Variants in PLA2G4B observed in about 807,000 individuals in gnomAD.
The protein encoded by PLA2G4B is cytosolic phospholipase A2 beta.
In PLA2G4B, 122 loss-of-function variants were observed where a neutral mutation model predicts 95.8. The observed-to-expected ratio is 1.27, with a 90% confidence interval of 1.10 to 1.48. PLA2G4B has a LOEUF of 1.48. PLA2G4B is among the 40% of genes most tolerant of loss of function. The probability of loss-of-function intolerance (pLI) is 0.00; values close to 1 mark genes in which losing one functional copy is unlikely to be tolerated. For missense variants in PLA2G4B, 1,158 were observed against 996.2 expected, an observed-to-expected ratio of 1.16 and a Z score of -2.19; for synonymous variants, 518 against 421.5, an observed-to-expected ratio of 1.23 and a Z score of -2.80.
rs1335953770 is a variant in PLA2G4B, at chr15:41,846,662, C to T, written c.1781-7C>T. On this transcript the variant is annotated splice_polypyrimidine_tract_variant and splice_region_variant and intron_variant, in intron 17 of 19. Coordinates refer to ENST00000458483, the MANE Select transcript of PLA2G4B (RefSeq NM_001114633.2). ...TGTGACAATTGCTGCTCTCCCCAACCTTCCAGCTACCACTCTGGATGGGCT... is the reference window on the plus strand; with the variant it reads ...TGTGACAATTGCTGCTCTCCCCAACTTTCCAGCTACCACTCTGGATGGGCT... The T allele has an allele frequency of 6.2e-7, 1 of 1,601,088 alleles. No homozygotes were observed. Among genetic ancestry groups the T allele is most frequent in the Non-Finnish European group, 8.5e-7 (1 of 1,171,226 alleles).
rs759762872 is a variant in PLA2G4B, at chr15:41,841,478, G to T, written c.436-39G>T. On this transcript the variant is annotated intron_variant, in intron 6 of 19. Transcript: ENST00000458483. The stretch of plus-strand genomic sequence containing the variant: ...GCGAGGGTGGGGTCCCTGAATGGGG[G>T]GTGGGGTTAGTGTCTGAGGGGCTGT... 4 of 1,613,722 alleles carry T rather than the reference G, an allele frequency of 2.5e-6. No homozygotes were observed. The Admixed American group carries it at 6.7e-5, about 27-fold the overall frequency.
intron 6 of PLA2G4B, 44 bp downstream of exon 6, chr15:41,841,317 ACTCC>A: frequency 1.2e-6 from 2 of 1,611,040 alleles, no homozygotes; most frequent in Non-Finnish European, 1.7e-6. Flanking sequence ...GGTCCCCGGG[ACTCC>A]CTCATGCCAG....
Position 41,841,862 on chromosome 15 carries a change from G to T in PLA2G4B, c.534G>T (p.Glu178Asp). 3 of 1,613,466 alleles carry T rather than the reference G, an allele frequency of 1.9e-6. No individual in the cohort carries two copies. Among genetic ancestry groups the T allele is most frequent in the Non-Finnish European group, 2.5e-6 (3 of 1,179,874 alleles). Residue 178 changes from glutamate (E) to aspartate (D), a missense_variant, in exon 8 of 20, where the codon GAG becomes GAT. Coordinates refer to ENST00000458483, the MANE Select transcript of PLA2G4B (RefSeq NM_001114633.2). ...AGCTTGTGGTTCCTGGGTCCTGTGA[G>T]GGTCCGCAGGAGGCCTCTGTGGGCA... ...RVQLVVPGSCEGPQEASVGTG... is the reference protein window; with the variant it reads ...RVQLVVPGSCDGPQEASVGTG...
chr15:41,840,667 C>T lies in PLA2G4B; in HGVS notation c.219+7C>T, dbSNP rs1022611125. The T allele has an allele frequency of 6.2e-7, 1 of 1,611,864 alleles. No individual in the cohort carries two copies. The highest frequency in any genetic ancestry group is 8.5e-7 in the Non-Finnish European group (1 of 1,178,936). On this transcript the variant is annotated splice_region_variant and intron_variant, in intron 3 of 19. Transcript: ENST00000458483. ...GATCCACAGGCAGCTCAAGGTGGGC[C>T]AGGCATCAGCGCTGACTCTACCCAC...
chr15:41,847,669 G>A lies in PLA2G4B; in HGVS notation c.2155G>A (p.Glu719Lys), dbSNP rs752516047. 8.2e-5 allele frequency: 132 copies of A among 1,613,534 alleles called. No individual in the cohort carries two copies. Among genetic ancestry groups the A allele is most frequent in the Non-Finnish European group, 1.1e-4 (129 of 1,180,046 alleles). Residue 719 changes from glutamate to lysine, a missense_variant, in exon 20 of 20, where the codon GAG becomes AAG. Coordinates refer to ENST00000458483, the MANE Select transcript of PLA2G4B (RefSeq NM_001114633.2). ...CACAGGGGTCCGGCGGACACCCGAGGAGGCGGCAGCTGGGGAGGTGAACCT... is the reference window on the plus strand; with the variant it reads ...CACAGGGGTCCGGCGGACACCCGAGAAGGCGGCAGCTGGGGAGGTGAACCT... ...SAPGVRRTPE[E>K]AAAGEVNLSS... is the part of the protein sequence containing the mutation.
chr15:41,847,599 C>G, intron 19 of PLA2G4B, 50 bp from the exon 20 acceptor site: 1 of 1,612,288 alleles, frequency 6.2e-7, no homozygotes, highest in Non-Finnish European at 8.5e-7. Context: ...CTCTCCAAAC[C>G]TGTCTTCCCC....
At chr15:41,841,334 A>G in intron 6 of PLA2G4B, 61 bp downstream of exon 6, 1 of 1,611,082 alleles carries the variant, frequency 6.2e-7, no homozygotes, top group Admixed American at 1.7e-5. Context: ...CATGCCAGCG[A>G]CTTGAGGTAC....
In PLA2G4B at chr15:41,844,527, G is replaced by T; in HGVS notation, c.936G>T (p.Leu312=). ...GTGGGATCCGGGCAATGACTTCCCT[G>T]TATGGGCAGCTGGCTGGCCTGAAGG... ...TGGGIRAMTS[L]YGQLAGLKEL... is the part of the protein sequence containing the mutation. Residue 312 remains leucine (L), a synonymous_variant, in exon 12 of 20, where the codon CTG becomes CTT. Transcript: ENST00000458483. 6.2e-7 allele frequency: 1 copy of T among 1,614,148 alleles called. No individual in the cohort carries two copies. Among genetic ancestry groups the T allele is most frequent in the Non-Finnish European group, 8.5e-7 (1 of 1,180,018 alleles).
intron 8 of PLA2G4B, 57 bp downstream of exon 8, chr15:41,842,006 A>T: frequency 6.3e-7 from 1 of 1,577,574 alleles, no homozygotes; most frequent in Non-Finnish European, 8.6e-7. Context: ...CTCCCTCTGC[A>T]CCTCCTCCCA....
intron 7 of PLA2G4B, 99 bp from the exon 8 acceptor site, chr15:41,841,720 C>A: frequency 6.4e-7 from 1 of 1,570,764 alleles, no homozygotes; most frequent in Non-Finnish European, 8.7e-7. Context: ...CAGACCATTT[C>A]AGCGGGGAGA....
chr15:41,846,535 C>G, intron 17 of PLA2G4B, 134 bp from the exon 18 acceptor site: 1 of 1,503,862 alleles, frequency 6.6e-7, no homozygotes, highest in Non-Finnish European at 8.9e-7. Context: ...CTTGGGGACC[C>G]AGGGCCCACC....
In PLA2G4B at chr15:41,843,675, G is replaced by A; in HGVS notation, c.744-1G>A. The A allele has an allele frequency of 1.2e-6, 2 of 1,613,244 alleles. No homozygotes were observed. Among genetic ancestry groups the A allele is most frequent in the South Asian group, 2.2e-5 (2 of 91,042 alleles). ...TCACAGTCTCTTCCTTCCCCGGCCA[G>A]ACTGAGGGAGCTGGCCGTGCGACTG... is the stretch of plus-strand genomic sequence containing the variant. On this transcript the variant is annotated splice_acceptor_variant, in intron 10 of 19. Coordinates refer to ENST00000458483, the MANE Select transcript of PLA2G4B (RefSeq NM_001114633.2). LOFTEE classifies it high-confidence loss of function.
chr15:41,847,902 G>A lies in PLA2G4B; in HGVS notation c.*42G>A, dbSNP rs1014663028. On this transcript the variant is annotated 3_prime_UTR_variant, in exon 20 of 20. Coordinates refer to ENST00000458483, the MANE Select transcript of PLA2G4B (RefSeq NM_001114633.2). ...CACCCCTAACTCTCATTCATTCCCT[G>A]GCTGCTGAGTTGCAGGTGGGAACTG... 5 of 1,580,968 alleles carry A rather than the reference G, an allele frequency of 3.2e-6. No individual in the cohort carries two copies. The highest frequency in any genetic ancestry group is 4.3e-6 in the Non-Finnish European group (5 of 1,168,132).
rs1567169117 is a variant in PLA2G4B, at chr15:41,840,899, C to T, written c.345C>T (p.Ser115=). ...TCCGGCGCGAGAGCTTCTCACTGAG[C>T]CCTCAGGCAAGGCGGTGTTTCCACG... is the stretch of plus-strand genomic sequence containing the variant. ...GEFRRESFSL[S]PQGEGRLEVE... The change falls in exon 4 of 20, where the codon AGC becomes AGT. Residue 115 remains serine (S), a synonymous_variant. Coordinates refer to ENST00000458483, the MANE Select transcript of PLA2G4B (RefSeq NM_001114633.2). 13 of 1,612,596 alleles carry T rather than the reference C, an allele frequency of 8.1e-6. No individual in the cohort carries two copies. The highest frequency in any genetic ancestry group is 1.3e-5 in the African/African-American group (1 of 74,898).
At position 41,844,913 on chromosome 15, in the gene PLA2G4B, T is replaced by G; in HGVS notation, c.1082T>G (p.Leu361Trp). Residue 361 changes from leucine (L) to tryptophan (W), a missense_variant, in exon 13 of 20, where the codon TTG becomes TGG. Leu to Trp is a moderately conservative substitution (Grantham distance 61, BLOSUM62 -2). Coordinates refer to ENST00000458483, the MANE Select transcript of PLA2G4B (RefSeq NM_001114633.2). ...AAGGACCTGGCAGGGCCCACTGAGT[T>G]GCTGAAGACCCAGGTGACCAAGAAC... is the stretch of plus-strand genomic sequence containing the variant. ...SQKDLAGPTE[L>W]LKTQVTKNKL... The G allele has an allele frequency of 1.2e-6, 2 of 1,612,362 alleles. No individual in the cohort carries two copies. The highest frequency in any genetic ancestry group is 1.3e-5 in the African/African-American group (1 of 75,038).
intron 12 of PLA2G4B, 75 bp from the exon 13 acceptor site, chr15:41,844,772 GA>G: frequency 6.5e-7 from 1 of 1,537,602 alleles, no homozygotes; most frequent in Non-Finnish European, 8.8e-7. Context: ...CATTGTCCTA[GA>G]AAGCCCGGGG....
At chr15:41,841,304 T>C (rs11635415) in intron 6 of PLA2G4B, 31 bp downstream of exon 6, 529,037 of 1,611,482 alleles carry the variant, frequency 0.33, 90,328 homozygotes, top group Admixed American at 0.39. Context: ...GGAGGCGGTC[T>C]GGGGTCCCCG....
chr15:41,845,384 CTG>C (rs2065519485), intron 14 of PLA2G4B, 64 bp downstream of exon 14: 4 of 1,563,170 alleles, frequency 2.6e-6, no homozygotes, highest in Admixed American at 1.7e-5. Context: ...AGAACGAGGA[CTG>C]TGTGCAGATT....
chr15:41,840,462 A>T, intron 2 of PLA2G4B, 62 bp from the exon 3 acceptor site: 3 of 1,610,478 alleles, frequency 1.9e-6, no homozygotes, highest in Non-Finnish European at 2.5e-6. Flanking sequence ...GATGGAAGGA[A>T]GTGGGTCTGG....
Sources: allele counts gnomAD v4.1 joint callset, GRCh38; gene constraint gnomAD v4.1.1; transcripts MANE v1.5; gene names NCBI Gene and HGNC (gene_info 2026-07-23, HGNC 2026-07-21).